Variants in HPSE2 observed in about 807,000 individuals in gnomAD.
The protein encoded by HPSE2 is inactive heparanase-2.
In HPSE2, 38 loss-of-function variants were observed where a neutral mutation model predicts 60.5. The observed-to-expected ratio is 0.63, with a 90% CI of 0.48 to 0.82. The LOEUF is 0.82. Among genes scored for constraint, HPSE2 ranks in the 40% least tolerant of loss-of-function variants. The probability of loss-of-function intolerance (pLI) is 0.00; values close to 1 mark genes in which losing one functional copy is unlikely to be tolerated. For missense variants in HPSE2, 713 were observed against 740.4 expected, an observed-to-expected ratio of 0.96 and a Z score of 0.43; for synonymous variants, 295 against 293.2, an observed-to-expected ratio of 1.01 and a Z score of -0.06.
At chr10:99,087,263 T>C (rs1843353785) in intron 3 of HPSE2, among the ~76,000 whole-genome samples, 1 of 152,196 alleles carries the variant, frequency 6.6e-6, no homozygotes, top group African/African-American at 2.4e-5. Context: ...GTCATTTAAG[T>C]TTGTCAGTGT....
At chr10:99,000,511 A>T (rs1956753519) in intron 3 of HPSE2, among the ~76,000 whole-genome samples, 1 of 152,152 alleles carries the variant, frequency 6.6e-6, no homozygotes, top group African/African-American at 2.4e-5. Context: ...GTGCAAGAAC[A>T]AAACAAAGCA....
chr10:98,536,203 G>A (rs1053771709), intron 9 of HPSE2, among the ~76,000 whole-genome samples: 6 of 152,202 alleles, frequency 3.9e-5, no homozygotes, highest in Non-Finnish European at 8.8e-5. Flanking sequence ...AGGTGGAATG[G>A]ACAACAGAAA....
At chr10:98,698,478 C>T (rs1202387950) in intron 5 of HPSE2, among the ~76,000 whole-genome samples, 1 of 151,868 alleles carries the variant, frequency 6.6e-6, no homozygotes, top group African/African-American at 2.4e-5. Flanking sequence ...ATCTCTGGGA[C>T]ACATTCAAAG....
At chr10:99,233,834 C>A (rs995512576) in intron 1 of HPSE2, among the ~76,000 whole-genome samples, 3 of 152,074 alleles carry the variant, frequency 2.0e-5, no homozygotes, top group African/African-American at 4.8e-5. Context: ...GACGTCCGCG[C>A]GAATCCGGTC....
At chr10:99,026,369 A>G (rs1957377643) in intron 3 of HPSE2, among the ~76,000 whole-genome samples, 1 of 152,158 alleles carries the variant, frequency 6.6e-6, no homozygotes, top group Admixed American at 6.5e-5. Flanking sequence ...ATCAGAGACA[A>G]ATAAAGTACT....
the HPSE2 span, among the ~76,000 whole-genome samples, chr10:99,242,237 C>G: frequency 2.6e-5 from 4 of 152,188 alleles, no homozygotes; most frequent in African/African-American, 9.7e-5. Context: ...CTACTGACTA[C>G]ACTTTGGGGA....
intron 3 of HPSE2, among the ~76,000 whole-genome samples, chr10:99,083,438 G>A (rs1843212416): frequency 2.0e-5 from 3 of 152,168 alleles, no homozygotes; most frequent in African/African-American, 7.2e-5. Context: ...AAAAGCATCT[G>A]TGAAAAATAG....
the HPSE2 span, among the ~76,000 whole-genome samples, chr10:99,304,419 CAGG>C: frequency 6.6e-6 from 1 of 152,270 alleles, no homozygotes; most frequent in Non-Finnish European, 1.5e-5. Context: ...CCCTGCTCTG[CAGG>C]AGCTTCACAG....
intron 3 of HPSE2, among the ~76,000 whole-genome samples, chr10:99,098,667 T>C (rs1843812034): frequency 6.6e-6 from 1 of 152,226 alleles, no homozygotes; most frequent in Admixed American, 6.5e-5. Context: ...AAAATATTGC[T>C]ACTTTATTTA....
At chr10:98,548,197 T>C (rs548598794) in intron 9 of HPSE2, among the ~76,000 whole-genome samples, 1 of 152,190 alleles carries the variant, frequency 6.6e-6, no homozygotes, top group African/African-American at 2.4e-5. Flanking sequence ...TTCTAATAGC[T>C]CTTATAAAAC....
chr10:98,838,486 C>T (rs1309244883), intron 3 of HPSE2, among the ~76,000 whole-genome samples: 3 of 149,110 alleles, frequency 2.0e-5, no homozygotes, highest in Admixed American at 6.7e-5. Flanking sequence ...GATGGGGTCT[C>T]ATCATATTGC....
At chr10:98,692,803 T>G (rs1330679608) in intron 6 of HPSE2, among the ~76,000 whole-genome samples, 3 of 152,046 alleles carry the variant, frequency 2.0e-5, no homozygotes, top group Admixed American at 6.6e-5. Flanking sequence ...TGAAGAAGAA[T>G]AAGAATTTCT....
At chr10:98,943,472 C>T (rs966549705) in intron 3 of HPSE2, among the ~76,000 whole-genome samples, 1 of 151,902 alleles carries the variant, frequency 6.6e-6, no homozygotes, top group Non-Finnish European at 1.5e-5. Flanking sequence ...CAAGACAGGC[C>T]CTAATGATCC....
the HPSE2 span, among the ~76,000 whole-genome samples, chr10:99,293,690 T>C: frequency 6.6e-6 from 1 of 152,252 alleles, no homozygotes; most frequent in South Asian, 2.1e-4. Context: ...AAAAAGTATA[T>C]AGTGACAAAA....
intron 6 of HPSE2, among the ~76,000 whole-genome samples, chr10:98,661,075 T>A (rs1947210878): frequency 1.3e-5 from 2 of 152,078 alleles, no homozygotes. Context: ...CCTCCCAGGG[T>A]GTATGAGCCT....
At chr10:98,585,851 C>G (rs1451153445) in intron 9 of HPSE2, among the ~76,000 whole-genome samples, 1 of 149,718 alleles carries the variant, frequency 6.7e-6, no homozygotes, top group South Asian at 2.1e-4. Flanking sequence ...ACTCGGGAGG[C>G]TGAAGCAGGA....
intron 6 of HPSE2, among the ~76,000 whole-genome samples, chr10:98,678,351 G>A (rs1309827482): frequency 1.3e-5 from 2 of 152,184 alleles, no homozygotes; most frequent in African/African-American, 4.8e-5. Context: ...GATCCAGGCA[G>A]CCATCTTCTA....
At chr10:98,816,664 T>C (rs1951297583) in intron 3 of HPSE2, among the ~76,000 whole-genome samples, 1 of 152,080 alleles carries the variant, frequency 6.6e-6, no homozygotes, top group African/African-American at 2.4e-5. Context: ...GCTAACCAAT[T>C]AGAAGAGGTT....
At chr10:99,027,473 T>C (rs940364959) in intron 3 of HPSE2, among the ~76,000 whole-genome samples, 13 of 152,076 alleles carry the variant, frequency 8.5e-5, no homozygotes, top group African/African-American at 3.1e-4. Flanking sequence ...TAATAAAAAG[T>C]TTCCCACTAA....
Sources: gnomAD v4.1 joint callset for allele counts (sites outside exome capture counted in the v4.1 genomes callset) on GRCh38, gnomAD v4.1.1 for gene constraint, MANE v1.5 for transcripts, NCBI Gene and HGNC (gene_info 2026-07-23, HGNC 2026-07-21) for gene names.